The following ZNF317 variants were observed in gnomAD, a reference collection of about 807,000 sequenced individuals.
The protein encoded by ZNF317 is KRAB-containing zinc finger protein 317.
Under a neutral mutation model 23.4 loss-of-function variants are expected in ZNF317, and 17 were observed. That is an observed-to-expected ratio of 0.73 (90% CI 0.50 to 1.09). The LOEUF (loss-of-function observed/expected upper bound fraction) is 1.09, where lower values mean the gene tolerates loss of function less well. Ranked by LOEUF, ZNF317 falls within the 50% of genes least tolerant of loss-of-function variation. The probability of loss-of-function intolerance (pLI) is 0.00; values close to 1 mark genes in which losing one functional copy is unlikely to be tolerated. For missense variants in ZNF317, 679 were observed against 796.7 expected (o/e 0.85, Z 1.78); for synonymous variants, 317 against 314.9 (o/e 1.01, Z -0.07).
rs747308806 is a variant in ZNF317, at chr19:9,160,419, C to G, written c.774C>G (p.Ala258=). 1 of 1,614,074 alleles carries G rather than the reference C, an allele frequency of 6.2e-7. No individual in the cohort carries two copies. Among genetic ancestry groups the G allele is most frequent in the East Asian group, 2.2e-5 (1 of 44,848 alleles). Residue 258 remains alanine, a synonymous_variant, in exon 7 of 7, where the codon GCC becomes GCG. Transcript: ENST00000247956. The surrounding 1 kb of genome is among the most constrained non-coding windows in gnomAD (Gnocchi z 6.8). ...KPYECSDCGK[A]FNDPSALRSH... is the part of the protein sequence containing the mutation. ...ACGAGTGCAGCGACTGCGGGAAAGCCTTCAACGACCCTTCAGCCCTTAGGA... is the reference window on the plus strand; with the variant it reads ...ACGAGTGCAGCGACTGCGGGAAAGCGTTCAACGACCCTTCAGCCCTTAGGA...
intron 5 of ZNF317, 96 bp from the exon 6 acceptor site, chr19:9,158,730 T>C (rs951076383): frequency 2.4e-6 from 2 of 821,010 alleles, no homozygotes; most frequent in Non-Finnish European, 4.1e-6. Context: ...TTTCCTTACA[T>C]AGCCTTAGGA....
rs1002758777 is a variant in ZNF317, at chr19:9,161,362, C to T, written c.1717C>T (p.Leu573Phe). ...GAAAGCCTTCAGCGACCACTCATCCCTCAGGAGCCACGTGAAAACTCACCG... is the reference window on the plus strand; with the variant it reads ...GAAAGCCTTCAGCGACCACTCATCCTTCAGGAGCCACGTGAAAACTCACCG... ...CGKAFSDHSS[L>F]RSHVKTHRGE... Residue 573 changes from leucine to phenylalanine, a missense_variant, in exon 7 of 7, where the codon CTC (leucine) becomes TTC (phenylalanine). Leu to Phe is a conservative substitution (Grantham distance 22, BLOSUM62 0). Coordinates refer to ENST00000247956, the MANE Select transcript of ZNF317 (RefSeq NM_020933.5). This position sits in a 1 kb window ranked among gnomAD's most constrained non-coding sequence, Gnocchi z 4.0. 17 of 1,614,208 alleles carry T rather than the reference C, an allele frequency of 1.1e-5. No homozygotes were observed. The highest frequency in any genetic ancestry group is 1.7e-5 in the Admixed American group (1 of 60,030).
intron 2 of ZNF317, among the ~76,000 whole-genome samples, 178 bp from the exon 3 acceptor site, chr19:9,156,434 G>T (rs527975274): frequency 6.6e-6 from 1 of 152,310 alleles, no homozygotes; most frequent in South Asian, 2.1e-4. Context: ...TGGTGGAACA[G>T]GGCTGCTCTG....
At chr19:9,153,005 A>G (rs924427334) in intron 1 of ZNF317, among the ~76,000 whole-genome samples, 1 of 152,114 alleles carries the variant, frequency 6.6e-6, no homozygotes, top group Non-Finnish European at 1.5e-5. Context: ...TTCTAGCTGT[A>G]GTTTTGTCAC....
intron 1 of ZNF317, among the ~76,000 whole-genome samples, chr19:9,142,563 C>T (rs1420726135): frequency 1.7e-5 from 2 of 116,462 alleles, no homozygotes; most frequent in Admixed American, 8.1e-5. Flanking sequence ...TTTTTTTTGC[C>T]ATTATGTATC....
intron 1 of ZNF317, among the ~76,000 whole-genome samples, chr19:9,154,496 GTGT>G (rs1331653199): frequency 1.3e-5 from 2 of 151,710 alleles, no homozygotes; most frequent in Non-Finnish European, 2.9e-5. Flanking sequence ...CGTTTCTTGT[GTGT>G]CCAGTTTCTT....
chr19:9,149,087 G>A lies in ZNF317; in HGVS notation c.-92-6838G>A, dbSNP rs186713411. ...AGGCGTAAACTTTCCATTTTATTGAGTCATTGAGATTTGGGTTTGTCTGTT... is the reference window on the plus strand; with the variant it reads ...AGGCGTAAACTTTCCATTTTATTGAATCATTGAGATTTGGGTTTGTCTGTT... On this transcript the variant is annotated intron_variant, in intron 1 of 6. Coordinates refer to ENST00000247956, the MANE Select transcript of ZNF317 (RefSeq NM_020933.5). Among the ~76,000 whole-genome samples, 35 of 152,290 alleles carry A rather than the reference G, an allele frequency of 2.3e-4. No individual in the cohort carries two copies. The East Asian group carries it at 5.4e-3, about 23-fold the overall frequency.
At chr19:9,147,696 G>T (rs2050698320) in intron 1 of ZNF317, among the ~76,000 whole-genome samples, 1 of 152,116 alleles carries the variant, frequency 6.6e-6, no homozygotes, top group African/African-American at 2.4e-5. Context: ...TGAGTTCATA[G>T]ATCCTACAGC....
intron 6 of ZNF317, among the ~76,000 whole-genome samples, chr19:9,159,409 A>G (rs1568315305): frequency 7.0e-6 from 1 of 143,822 alleles, no homozygotes; most frequent in Non-Finnish European, 1.5e-5. Context: ...GGATTTCACC[A>G]TGTTGCCCAG....
At chr19:9,147,344 T>C (rs1340564499) in intron 1 of ZNF317, among the ~76,000 whole-genome samples, 1 of 141,022 alleles carries the variant, frequency 7.1e-6, no homozygotes, top group South Asian at 2.5e-4. Context: ...TTTTTTTTTT[T>C]TTTTTTTTTT....
chr19:9,141,585 A>G (rs2145935312), intron 1 of ZNF317, among the ~76,000 whole-genome samples: 1 of 152,334 alleles, frequency 6.6e-6, no homozygotes, highest in East Asian at 1.9e-4. Flanking sequence ...TTGTAGATGA[A>G]GTACTTACAC....
chr19:9,146,630 A>G (rs6511893), intron 1 of ZNF317, among the ~76,000 whole-genome samples: 69,413 of 151,078 alleles, frequency 0.46, 16,742 homozygotes, highest in African/African-American at 0.61. Context: ...GGGTTTCACC[A>G]TGTTGGCCAG....
intron 1 of ZNF317, among the ~76,000 whole-genome samples, chr19:9,146,405 A>G (rs1378509525): frequency 2.7e-5 from 4 of 148,740 alleles, no homozygotes; most frequent in Non-Finnish European, 4.4e-5. Flanking sequence ...TATATATTGT[A>G]TATATTATTT....
chr19:9,141,745 G>GATTTACATCATTT (rs1425251737), intron 1 of ZNF317, among the ~76,000 whole-genome samples: 1 of 151,606 alleles, frequency 6.6e-6, no homozygotes, highest in Non-Finnish European at 1.5e-5. Flanking sequence ...GCAGTTAATT[G>GATTTACATCATTT]ATTTACATCA....
intron 1 of ZNF317, among the ~76,000 whole-genome samples, chr19:9,145,603 T>G (rs1054800818): frequency 2.6e-5 from 4 of 152,228 alleles, no homozygotes; most frequent in Non-Finnish European, 5.9e-5. Flanking sequence ...TGCTTAAGAT[T>G]TTATCTCTCT....
At position 9,146,721 on chromosome 19, in the gene ZNF317, T is replaced by C. The variant is rs1354331911; in HGVS notation, c.-93+6129T>C. On this transcript the variant is annotated intron_variant, in intron 1 of 6. Coordinates refer to ENST00000247956, the MANE Select transcript of ZNF317 (RefSeq NM_020933.5). The stretch of plus-strand genomic sequence containing the variant: ...CTGAGATTACAGGCATGAGCCACCA[T>C]GCTGGGCCTATATTTACGTGAATAA... 3.9e-5 allele frequency among the ~76,000 whole-genome samples: 6 copies of C among 152,116 alleles called. No homozygotes were observed. In the East Asian group the frequency reaches 1.2e-3, roughly 29 times the overall value.
chr19:9,152,154 C>T (rs1047201415), intron 1 of ZNF317, among the ~76,000 whole-genome samples: 5 of 152,034 alleles, frequency 3.3e-5, no homozygotes, highest in East Asian at 1.9e-4. Context: ...GATCCACCCG[C>T]CTCGGCCTCC....
At position 9,161,849 on chromosome 19, in the gene ZNF317, C is replaced by T. The variant is rs2145965359; in HGVS notation, c.*416C>T. On this transcript the variant is annotated 3_prime_UTR_variant, in exon 7 of 7. Coordinates refer to ENST00000247956, the MANE Select transcript of ZNF317 (RefSeq NM_020933.5). This position sits in a 1 kb window ranked among gnomAD's most constrained non-coding sequence, Gnocchi z 4.0. ...AAACACAGTGGCTGGGGAAACCCTT[C>T]CTAGTCTCACTTGATTCCTCATGAC... 6.0e-6 allele frequency: 1 copy of T among 165,312 alleles called. No homozygotes were observed. Among genetic ancestry groups the T allele is most frequent in the South Asian group, 1.6e-4 (1 of 6,176 alleles). The allele number at this position is 165,312 out of a possible 1,614,324, so 10.2% of individuals were successfully genotyped here. A position where few individuals can be genotyped will look rare whatever the true frequency, so the allele number is the denominator to read the frequency against.
At chr19:9,151,672 G>T (rs1228278025) in intron 1 of ZNF317, among the ~76,000 whole-genome samples, 2 of 152,048 alleles carry the variant, frequency 1.3e-5, no homozygotes, top group African/African-American at 4.8e-5. Context: ...CTTTTCATGT[G>T]TTTACAGTTC....
Sources: allele counts gnomAD v4.1 joint callset (sites outside exome capture counted in the v4.1 genomes callset), GRCh38; gene constraint gnomAD v4.1.1; non-coding constraint Gnocchi (gnomAD v3.1); transcripts MANE v1.5; gene names NCBI Gene and HGNC (gene_info 2026-07-23, HGNC 2026-07-21).